The following TMEM131 variants were observed in gnomAD, a reference collection of about 807,000 sequenced individuals.
The protein encoded by TMEM131 is transmembrane protein 131.
Under a neutral mutation model 211.6 loss-of-function variants are expected in TMEM131, and 66 were observed. The observed-to-expected ratio is 0.31, with a 90% CI of 0.26 to 0.38. The LOEUF (loss-of-function observed/expected upper bound fraction) is 0.38, where lower values mean the gene tolerates loss of function less well. Ranked by LOEUF, TMEM131 falls within the 10% of genes least tolerant of loss-of-function variation. The pLI is 1.00. For synonymous variants in TMEM131, 844 were observed against 841.3 expected (o/e 1.00, Z -0.06); for missense variants, 2,036 against 2,299.3 (o/e 0.89, Z 2.34).
chr2:97,806,272 C>T (rs1348588060), intron 19 of TMEM131, among the ~76,000 whole-genome samples: 1 of 152,230 alleles, frequency 6.6e-6, no homozygotes, highest in Non-Finnish European at 1.5e-5. Context: ...CACAGTGGCT[C>T]ATGCCTGTAA....
intron 6 of TMEM131, among the ~76,000 whole-genome samples, chr2:97,842,385 T>C (rs1386008713): frequency 1.3e-5 from 2 of 152,212 alleles, no homozygotes; most frequent in South Asian, 2.1e-4. Flanking sequence ...TTGCTATTTA[T>C]TAAGTGTCTA....
intron 33 of TMEM131, 71 bp from the exon 34 acceptor site, chr2:97,766,673 G>T (rs767023068): frequency 3.8e-6 from 6 of 1,562,932 alleles, no homozygotes; most frequent in African/African-American, 1.4e-5. Context: ...CATTAAGATT[G>T]TAATTCTTCT....
chr2:97,913,035 C>T (rs1271943353), intron 2 of TMEM131: 1 of 152,180 alleles, frequency 6.6e-6, no homozygotes, highest in Non-Finnish European at 1.5e-5. Context: ...AATTTGGCAA[C>T]GTCCAGAAGC....
chr2:97,848,799 C>T (rs1402577216), intron 5 of TMEM131, among the ~76,000 whole-genome samples: 1 of 151,992 alleles, frequency 6.6e-6, no homozygotes, highest in Non-Finnish European at 1.5e-5. Flanking sequence ...CATAAAAGAA[C>T]AATTTGATAA....
intron 12 of TMEM131, among the ~76,000 whole-genome samples, chr2:97,817,637 A>C (rs1438903455): frequency 2.6e-5 from 4 of 152,186 alleles, no homozygotes; most frequent in Non-Finnish European, 5.9e-5. Flanking sequence ...TTATTCCTTG[A>C]GAGTCCTCAC....
intron 1 of TMEM131, among the ~76,000 whole-genome samples, chr2:97,953,489 T>C (rs1468752513): frequency 1.3e-5 from 2 of 152,116 alleles, no homozygotes; most frequent in Non-Finnish European, 2.9e-5. Flanking sequence ...AATAAAAAAA[T>C]ACTGCTCCTA....
intron 7 of TMEM131, 135 bp downstream of exon 7, chr2:97,841,680 G>T (rs1227425868): frequency 1.1e-6 from 1 of 943,164 alleles, no homozygotes; most frequent in Non-Finnish European, 1.4e-6. Flanking sequence ...TGTACTAAAA[G>T]TAATACCCCT....
At chr2:97,802,818 A>G (rs1477613759) in intron 22 of TMEM131, 28 bp from the exon 23 acceptor site, 1 of 1,514,306 alleles carries the variant, frequency 6.6e-7, no homozygotes, top group African/African-American at 1.4e-5. Flanking sequence ...AAGTCACTGT[A>G]TCAAAATGAA....
chr2:97,792,981 C>T lies in TMEM131; in HGVS notation c.3549G>A (p.Leu1183=), dbSNP rs2104887630. 1.9e-6 allele frequency: 3 copies of T among 1,544,936 alleles called. No individual in the cohort carries two copies. The East Asian group carries it at 6.9e-5, about 36-fold the overall frequency. Residue 1183 remains leucine (L), a synonymous_variant, in exon 31 of 41, where the codon TTG becomes TTA. Transcript: ENST00000186436. ...RIVGISSEGN[L]NTLSCDPGHS... is the part of the protein sequence containing the mutation. ...GACCGGGGTCACAGCTGAGTGTGTT[C>T]AAGCTGAAAAAGGGACCAACTGCAG...
chr2:97,861,866 G>A (rs1465001563), intron 4 of TMEM131, among the ~76,000 whole-genome samples: 1 of 152,160 alleles, frequency 6.6e-6, no homozygotes, highest in Non-Finnish European at 1.5e-5. Context: ...TAGAGTCCTA[G>A]GGCCTTGAAG....
At chr2:97,856,483 A>G (rs916753846) in intron 5 of TMEM131, among the ~76,000 whole-genome samples, 2 of 152,246 alleles carry the variant, frequency 1.3e-5, no homozygotes, top group African/African-American at 2.4e-5. Context: ...AGTTTGAACA[A>G]TAATTAAAAA....
intron 1 of TMEM131, among the ~76,000 whole-genome samples, chr2:97,946,007 T>TAGCCATCTTAAAACACTCAGTGGTATTAC (rs1678020393): frequency 1.3e-5 from 2 of 152,128 alleles, no homozygotes; most frequent in Non-Finnish European, 1.5e-5. Flanking sequence ...AGTGGTATTA[T>TAGCCATCTTAAAACACTCAGTGGTATTAC]AGCCATCTTA....
At chr2:97,910,662 C>A (rs540268097) in intron 2 of TMEM131, among the ~76,000 whole-genome samples, 46 of 152,132 alleles carry the variant, frequency 3.0e-4, no homozygotes, top group Non-Finnish European at 6.0e-4. Context: ...GCCATTCTAA[C>A]CGGTGTGAGA....
intron 1 of TMEM131, among the ~76,000 whole-genome samples, chr2:97,987,861 A>G (rs529486510): frequency 1.2e-4 from 19 of 152,304 alleles, no homozygotes; most frequent in African/African-American, 4.6e-4. Flanking sequence ...TATGGGTTAA[A>G]ATACTGTTAA....
intron 1 of TMEM131, among the ~76,000 whole-genome samples, chr2:97,928,899 A>G (rs1298135707): frequency 6.6e-6 from 1 of 151,846 alleles, no homozygotes; most frequent in Non-Finnish European, 1.5e-5. Context: ...ATGTTTAGTG[A>G]AACATATACA....
intron 31 of TMEM131, among the ~76,000 whole-genome samples, chr2:97,788,462 A>T (rs1404370041): frequency 6.6e-6 from 1 of 151,762 alleles, no homozygotes; most frequent in Non-Finnish European, 1.5e-5. Context: ...CCTCAAGTTG[A>T]CTCCTCAAGT....
chr2:97,952,896 A>G (rs1214999997), intron 1 of TMEM131, among the ~76,000 whole-genome samples: 1 of 152,160 alleles, frequency 6.6e-6, no homozygotes, highest in Non-Finnish European at 1.5e-5. Context: ...AAACAAAAAC[A>G]AAACAAACAA....
intron 4 of TMEM131, among the ~76,000 whole-genome samples, chr2:97,865,743 T>C (rs1674244496): frequency 6.6e-6 from 1 of 152,222 alleles, no homozygotes; most frequent in African/African-American, 2.4e-5. Flanking sequence ...GTAATACAGA[T>C]CTAACAGACT....
intron 3 of TMEM131, among the ~76,000 whole-genome samples, chr2:97,896,236 T>C (rs1041074844): frequency 4.6e-5 from 7 of 151,256 alleles, no homozygotes; most frequent in African/African-American, 7.3e-5. Context: ...GAAACTGTTA[T>C]GATTTCTGTT....
Sources: allele counts gnomAD v4.1 joint callset (sites outside exome capture counted in the v4.1 genomes callset), GRCh38; gene constraint gnomAD v4.1.1; transcripts MANE v1.5; gene names NCBI Gene and HGNC (gene_info 2026-07-23, HGNC 2026-07-21).